Variants in C4orf50 observed in about 807,000 individuals in gnomAD.
The protein encoded by C4orf50 is uncharacterized protein C4orf50.
Under a neutral mutation model 77.2 loss-of-function variants are expected in C4orf50, and 80 were observed. The observed-to-expected ratio is 1.04, with a 90% CI of 0.87 to 1.25. The LOEUF is 1.25. Ranked by LOEUF, C4orf50 falls within the 50% of genes most tolerant of loss-of-function variation. The pLI, the probability that C4orf50 is intolerant of heterozygous loss-of-function variation, is 0.00. For synonymous variants in C4orf50, 532 were observed against 465.3 expected, an observed-to-expected ratio of 1.14 and a Z score of -1.84; for missense variants, 1,257 against 1,152.9, an observed-to-expected ratio of 1.09 and a Z score of -1.31.
chr4:6,016,301 C>T lies in C4orf50; in HGVS notation c.287+1844G>A, dbSNP rs138287043. 9.0e-3 allele frequency among the ~76,000 whole-genome samples: 1,367 copies of T among 152,298 alleles called. 23 individuals are homozygous for T. The highest frequency in any genetic ancestry group is 0.031 in the African/African-American group (1,300 of 41,568). On this transcript the variant is annotated intron_variant, in intron 23 of 33. Transcript: ENST00000531445. ...TGGTGGCTCACGTCTATAATCCCAACACTTTGGGAGGCCAAGGCAGGCAGA... is the reference window on the plus strand; with the variant it reads ...TGGTGGCTCACGTCTATAATCCCAATACTTTGGGAGGCCAAGGCAGGCAGA...
chr4:5,950,486 T>C (rs557152842), intron 7 of C4orf50, among the ~76,000 whole-genome samples: 3 of 151,260 alleles, frequency 2.0e-5, no homozygotes, highest in Middle Eastern at 3.2e-3. Context: ...CTCTGTACTT[T>C]TGTCAAGGTT....
downstream of C4orf50, among the ~76,000 whole-genome samples, chr4:5,952,214 T>C (rs1718755714): frequency 6.6e-6 from 1 of 152,062 alleles, no homozygotes; most frequent in South Asian, 2.1e-4. This position sits in a 1 kb window ranked among gnomAD's most constrained non-coding sequence, Gnocchi z 4.4. Context: ...CAAGACCTAC[T>C]GATGGAGGGG....
intron 32 of C4orf50, 121 bp from the exon 11 acceptor site, chr4:5,965,266 C>T (rs896513706): frequency 7.4e-6 from 8 of 1,074,826 alleles, no homozygotes; most frequent in Non-Finnish European, 1.0e-5. Context: ...TTCCCAGTTT[C>T]CATGCCCCGG....
At chr4:5,935,759 C>G (rs993466115) in intron 7 of C4orf50, among the ~76,000 whole-genome samples, 1 of 123,574 alleles carries the variant, frequency 8.1e-6, no homozygotes, top group East Asian at 2.6e-4. Flanking sequence ...GCACTCCAGG[C>G]TGGGCGACAG....
At position 5,916,642 on chromosome 4, in the gene C4orf50, G is replaced by A. The variant is rs567005254; in HGVS notation, c.*2475-18454C>T. 3.9e-5 allele frequency among the ~76,000 whole-genome samples: 6 copies of A among 152,300 alleles called. No individual in the cohort carries two copies. Among genetic ancestry groups the A allele is most frequent in the Non-Finnish European group, 7.4e-5 (5 of 68,018 alleles). On this transcript the variant is annotated intron_variant, in intron 7 of 7. Coordinates refer to the C4orf50 transcript ENST00000324058. The surrounding 1 kb of genome is among the most constrained non-coding windows in gnomAD (Gnocchi z 4.4). ...GACAGGGGTGCAGGTGGTTTATTTGGGGGGAGATCCCAGAAGTAGGAGTGA... is the reference window on the plus strand; with the variant it reads ...GACAGGGGTGCAGGTGGTTTATTTGAGGGGAGATCCCAGAAGTAGGAGTGA...
intron 33 of C4orf50, among the ~76,000 whole-genome samples, chr4:5,962,094 C>A (rs1027321678): frequency 6.6e-6 from 1 of 152,196 alleles, no homozygotes; most frequent in African/African-American, 2.4e-5. Context: ...AAATGCAGTG[C>A]TGGGAACCAG....
chr4:6,005,613 G>A (rs756587757), intron 25 of C4orf50, among the ~76,000 whole-genome samples: 9 of 152,168 alleles, frequency 5.9e-5, no homozygotes, highest in South Asian at 4.1e-4. Flanking sequence ...TGCCTGTGAT[G>A]ATGTCACTTA....
chr4:5,920,428 G>T (rs1020872844), intron 7 of C4orf50, among the ~76,000 whole-genome samples: 3 of 151,502 alleles, frequency 2.0e-5, no homozygotes, highest in African/African-American at 7.3e-5. Flanking sequence ...CATGCTGGTT[G>T]TGATGATTGT....
In C4orf50 at chr4:6,015,524, A is replaced by AC. The variant is rs1242602677; in HGVS notation, c.287+2620_287+2621insG. Among the ~76,000 whole-genome samples the AC allele has an allele frequency of 2.0e-5, 3 of 150,852 alleles. No individual in the cohort carries two copies. The highest frequency in any genetic ancestry group is 4.4e-5 in the Non-Finnish European group (3 of 67,654). ...TTCATTATAATGTTGATGAGAAAAAAAAAGATTCCCAGCCAGGGCCACTGT... is the reference window on the plus strand; with the variant it reads ...TTCATTATAATGTTGATGAGAAAAAACAAAGATTCCCAGCCAGGGCCACTGT... On this transcript the variant is annotated intron_variant, in intron 23 of 33. Transcript: ENST00000531445. This position sits in a 1 kb window ranked among gnomAD's most constrained non-coding sequence, Gnocchi z 4.4.
At chr4:5,995,147 T>C (rs1721509018) in intron 25 of C4orf50, among the ~76,000 whole-genome samples, 1 of 152,052 alleles carries the variant, frequency 6.6e-6, no homozygotes, top group African/African-American at 2.4e-5. Flanking sequence ...ACCCTTCCTG[T>C]GCAGAGGTCC....
At chr4:5,976,379 C>A (rs1200436214) in intron 29 of C4orf50, among the ~76,000 whole-genome samples, 1 of 151,172 alleles carries the variant, frequency 6.6e-6, no homozygotes, top group Non-Finnish European at 1.5e-5. Flanking sequence ...CGGCGTAAAC[C>A]CAGGAGGCGG....
intron 7 of C4orf50, among the ~76,000 whole-genome samples, chr4:5,943,379 A>G (rs7682973): frequency 0.3 from 45,461 of 152,070 alleles, 7,132 homozygotes; most frequent in Admixed American, 0.41. Flanking sequence ...TTTAATTTTT[A>G]GATTTTACTG....
chr4:5,963,257 A>T (rs1227089882), intron 33 of C4orf50, among the ~76,000 whole-genome samples: 2 of 152,088 alleles, frequency 1.3e-5, no homozygotes, highest in African/African-American at 2.4e-5. Flanking sequence ...AGCCCCTCGA[A>T]GTGCTGGGAT....
intron 31 of C4orf50, among the ~76,000 whole-genome samples, chr4:5,969,076 C>T (rs1368877350): frequency 2.0e-5 from 3 of 152,090 alleles, no homozygotes; most frequent in Admixed American, 6.5e-5. Flanking sequence ...AACAGAAATA[C>T]GGTACCAATA....
intron 7 of C4orf50, among the ~76,000 whole-genome samples, chr4:5,941,255 A>C (rs115607264): frequency 0.023 from 3,499 of 152,318 alleles, 50 homozygotes; most frequent in South Asian, 0.034. Flanking sequence ...TTCTGACAAC[A>C]ACACTGCGAG....
At chr4:5,997,985 C>A (rs948245826) in intron 25 of C4orf50, among the ~76,000 whole-genome samples, 38 of 152,314 alleles carry the variant, frequency 2.5e-4, no homozygotes, top group African/African-American at 8.7e-4. Context: ...CAACTATAAG[C>A]AGAGCTGAGA....
intron 7 of C4orf50, among the ~76,000 whole-genome samples, chr4:5,937,021 T>C (rs1160782941): frequency 6.6e-6 from 1 of 151,446 alleles, no homozygotes; most frequent in African/African-American, 2.4e-5. Context: ...AATGATCACC[T>C]AACCATAAAA....
At chr4:5,927,874 T>C (rs1452040367) in intron 7 of C4orf50, among the ~76,000 whole-genome samples, 1 of 152,114 alleles carries the variant, frequency 6.6e-6, no homozygotes, top group East Asian at 1.9e-4. Flanking sequence ...CCAGGAAACC[T>C]TCCCCAAATG....
At chr4:5,921,459 G>A (rs1717267560) in intron 7 of C4orf50, among the ~76,000 whole-genome samples, 1 of 152,190 alleles carries the variant, frequency 6.6e-6, no homozygotes, top group Non-Finnish European at 1.5e-5. Context: ...CACATATAGG[G>A]GAAGGGATGA....
Sources: gnomAD v4.1 joint callset for allele counts (sites outside exome capture counted in the v4.1 genomes callset) on GRCh38, gnomAD v4.1.1 for gene constraint, Gnocchi (gnomAD v3.1) non-coding constraint, MANE v1.5 for transcripts, NCBI Gene and HGNC (gene_info 2026-07-23, HGNC 2026-07-21) for gene names.